The following NCOA2 variants were observed in gnomAD, a reference collection of about 807,000 sequenced individuals.
NCOA2 encodes class E basic helix-loop-helix protein 75.
Under a neutral mutation model 145.1 loss-of-function variants are expected in NCOA2, and 21 were observed. The ratio of observed to expected loss-of-function variants is 0.14; its 90% CI spans 0.10 to 0.21. The LOEUF (loss-of-function observed/expected upper bound fraction) is 0.21, where lower values mean the gene tolerates loss of function less well. Among genes scored for constraint, NCOA2 ranks in the 10% least tolerant of loss-of-function variants. The probability of loss-of-function intolerance (pLI) is 1.00; values close to 1 mark genes in which losing one functional copy is unlikely to be tolerated. For synonymous variants in NCOA2, 619 were observed against 637.5 expected (o/e 0.97, Z 0.44); for missense variants, 1,472 against 1,837.6 (o/e 0.80, Z 3.64).
the NCOA2 span, among the ~76,000 whole-genome samples, chr8:70,427,341 G>C: frequency 6.6e-6 from 1 of 152,146 alleles, no homozygotes. Flanking sequence ...AAAAGGAAGA[G>C]TAAGATATCA....
intron 2 of NCOA2, among the ~76,000 whole-genome samples, chr8:70,287,029 G>T (rs1826281771): frequency 6.6e-6 from 1 of 152,080 alleles, no homozygotes; most frequent in Admixed American, 6.5e-5. Flanking sequence ...GATCACTTGA[G>T]CCCGGGAGTT....
At chr8:70,435,374 G>A in the NCOA2 span, among the ~76,000 whole-genome samples, 2 of 141,144 alleles carry the variant, frequency 1.4e-5, no homozygotes, top group African/African-American at 2.8e-5. Flanking sequence ...GCAGTGAGCC[G>A]GGATAGCGCC....
chr8:70,251,836 C>T (rs766553967), intron 2 of NCOA2, among the ~76,000 whole-genome samples: 1 of 152,148 alleles, frequency 6.6e-6, no homozygotes, highest in Non-Finnish European at 1.5e-5. Context: ...CAAAGTCATC[C>T]GTTTCAAATT....
chr8:70,233,776 T>G (rs867339398), intron 2 of NCOA2, among the ~76,000 whole-genome samples: 13 of 152,338 alleles, frequency 8.5e-5, no homozygotes, highest in Middle Eastern at 3.4e-3. Flanking sequence ...TTATGGGATC[T>G]TCTTCCTTTT....
At chr8:70,121,642 T>C (rs1807834537) in intron 21 of NCOA2, among the ~76,000 whole-genome samples, 1 of 152,184 alleles carries the variant, frequency 6.6e-6, no homozygotes, top group Admixed American at 6.5e-5. Flanking sequence ...TGTACAGAAA[T>C]CAAATTCAAT....
chr8:70,163,380 A>C, intron 8 of NCOA2, 85 bp downstream of exon 8: 1 of 934,492 alleles, frequency 1.1e-6, no homozygotes, highest in Non-Finnish European at 1.7e-6. Flanking sequence ...GCATCCTTAC[A>C]GTCTTCTAAA....
intron 1 of NCOA2, among the ~76,000 whole-genome samples, chr8:70,348,902 T>C (rs906750658): frequency 6.7e-6 from 1 of 150,022 alleles, no homozygotes; most frequent in Non-Finnish European, 1.5e-5. Flanking sequence ...TTGGGAGCTA[T>C]GTAAATAAGA....
chr8:70,212,065 G>GTGTA (rs1819089614), intron 4 of NCOA2, among the ~76,000 whole-genome samples: 1 of 60,920 alleles, frequency 1.6e-5, no homozygotes, highest in African/African-American at 7.7e-5. Flanking sequence ...TCTTTGTGGC[G>GTGTA]CATATATATA....
chr8:70,205,242 A>G (rs1485837582), intron 4 of NCOA2, among the ~76,000 whole-genome samples: 1 of 152,236 alleles, frequency 6.6e-6, no homozygotes, highest in Non-Finnish European at 1.5e-5. Context: ...GCCTTGAAGA[A>G]TGAACAGTAG....
chr8:70,338,810 A>T (rs1406534463), intron 1 of NCOA2, among the ~76,000 whole-genome samples: 2 of 152,170 alleles, frequency 1.3e-5, no homozygotes, highest in Non-Finnish European at 2.9e-5. Flanking sequence ...CAAAACAGTA[A>T]ATGTGCTTCA....
chr8:70,278,864 G>A (rs1405783913), intron 2 of NCOA2, among the ~76,000 whole-genome samples: 1 of 151,844 alleles, frequency 6.6e-6, no homozygotes, highest in East Asian at 1.9e-4. Flanking sequence ...TACAAGGTAG[G>A]CTGAGGCATG....
chr8:70,175,171 G>A (rs552426809), intron 4 of NCOA2, among the ~76,000 whole-genome samples: 1 of 152,270 alleles, frequency 6.6e-6, no homozygotes, highest in South Asian at 2.1e-4. Flanking sequence ...ATATTCTATG[G>A]CACAATTAAT....
chr8:70,135,466 A>G (rs535524557), intron 15 of NCOA2, among the ~76,000 whole-genome samples: 6 of 152,310 alleles, frequency 3.9e-5, no homozygotes, highest in African/African-American at 1.4e-4. Context: ...GATTTGGCTG[A>G]GCTACAATAC....
the NCOA2 span, among the ~76,000 whole-genome samples, chr8:70,432,389 C>T: frequency 8.1e-4 from 123 of 152,302 alleles, no homozygotes; most frequent in Non-Finnish European, 1.3e-3. Flanking sequence ...TGGCTGGACA[C>T]GGTGGCTCAT....
intron 4 of NCOA2, among the ~76,000 whole-genome samples, chr8:70,202,438 T>G (rs1045640515): frequency 6.6e-6 from 1 of 152,126 alleles, no homozygotes; most frequent in Non-Finnish European, 1.5e-5. Context: ...ATGGAAGCAA[T>G]CTATATGTAC....
At position 70,140,014 on chromosome 8, in the gene NCOA2, CAAG is replaced by C. The variant is rs1485255979; in HGVS notation, c.3028+1167_3028+1169del. 7.9e-5 allele frequency among the ~76,000 whole-genome samples: 12 copies of C among 152,168 alleles called. No individual in the cohort carries two copies. The East Asian group carries it at 2.1e-3, about 27-fold the overall frequency. On this transcript the variant is annotated intron_variant, in intron 14 of 22. Coordinates refer to ENST00000452400, the MANE Select transcript of NCOA2 (RefSeq NM_006540.4). ...AACTTATTGGAATTATGCTAATGTACAAGAAGAGGGCTAACATGTCAATGATAA... is the reference window on the plus strand; with the variant it reads ...AACTTATTGGAATTATGCTAATGTACAAGAGGGCTAACATGTCAATGATAA...
intron 1 of NCOA2, chr8:70,402,378 T>C (rs961230798): frequency 2.0e-5 from 3 of 152,386 alleles, no homozygotes; most frequent in African/African-American, 7.2e-5. Context: ...GGAGGCCCAG[T>C]CCAGCTCCGG....
intron 1 of NCOA2, among the ~76,000 whole-genome samples, chr8:70,377,424 T>C (rs1289276414): frequency 6.6e-6 from 1 of 152,174 alleles, no homozygotes; most frequent in Non-Finnish European, 1.5e-5. Context: ...ATTTAGTACA[T>C]TACATTTTTT....
At chr8:70,307,103 G>C (rs557515395) in intron 1 of NCOA2, among the ~76,000 whole-genome samples, 42 of 149,558 alleles carry the variant, frequency 2.8e-4, no homozygotes, top group African/African-American at 1.0e-3. Flanking sequence ...ATATCAAGAA[G>C]ATACTTTCTA....
Sources: allele counts gnomAD v4.1 joint callset (sites outside exome capture counted in the v4.1 genomes callset), GRCh38; gene constraint gnomAD v4.1.1; transcripts MANE v1.5; gene names NCBI Gene and HGNC (gene_info 2026-07-23, HGNC 2026-07-21).